SLC19A3: variants seen among roughly 807,000 people sequenced by gnomAD.
The protein encoded by SLC19A3 is thiamine transporter 2.
SLC19A3 carries 31 observed loss-of-function variants against 40.2 expected under a neutral mutation model. The observed-to-expected ratio is 0.77, with a 90% confidence interval of 0.58 to 1.04. The LOEUF (loss-of-function observed/expected upper bound fraction) is 1.04, where lower values mean the gene tolerates loss of function less well. Among genes scored for constraint, SLC19A3 ranks in the 50% least tolerant of loss-of-function variants. SLC19A3 has a pLI of 0.00. For missense variants in SLC19A3, 592 were observed against 596.7 expected, an observed-to-expected ratio of 0.99 and a Z score of 0.08; for synonymous variants, 212 against 227.5, an observed-to-expected ratio of 0.93 and a Z score of 0.61.
At chr2:227,712,867 T>C (rs1367768974) in intron 1 of SLC19A3, among the ~76,000 whole-genome samples, 1 of 151,896 alleles carries the variant, frequency 6.6e-6, no homozygotes, top group Non-Finnish European at 1.5e-5. Context: ...GCAAAACTTA[T>C]CTGTAGTGAT....
intron 4 of SLC19A3, among the ~76,000 whole-genome samples, chr2:227,688,851 T>C (rs1695118699): frequency 6.6e-6 from 1 of 152,118 alleles, no homozygotes; most frequent in Non-Finnish European, 1.5e-5. Context: ...ATAGCTGTGT[T>C]AAGAAAACGC....
At chr2:227,699,589 C>G in intron 2 of SLC19A3, 25 bp from the exon 3 acceptor site, 1 of 1,588,776 alleles carries the variant, frequency 6.3e-7, no homozygotes. Flanking sequence ...AATTGCATGA[C>G]CACGAAGCAC....
intron 4 of SLC19A3, among the ~76,000 whole-genome samples, chr2:227,691,353 T>C (rs1695220761): frequency 6.6e-6 from 1 of 152,214 alleles, no homozygotes; most frequent in Admixed American, 6.5e-5. Flanking sequence ...ATGTGTATAA[T>C]TCCAGCACTC....
chr2:227,709,105 A>G (rs1225664900), intron 1 of SLC19A3, among the ~76,000 whole-genome samples: 4 of 152,196 alleles, frequency 2.6e-5, no homozygotes, highest in Non-Finnish European at 5.9e-5. Context: ...CTAAGTGCAT[A>G]TACTTAAAAG....
intron 1 of SLC19A3, among the ~76,000 whole-genome samples, chr2:227,713,569 G>C (rs1696220988): frequency 6.6e-6 from 1 of 152,092 alleles, no homozygotes; most frequent in South Asian, 2.1e-4. Flanking sequence ...CTAAGAGAAA[G>C]CCCTGAGCTT....
In SLC19A3 at chr2:227,686,239, C is replaced by T. The variant is rs1230574241; in HGVS notation, c.*1158G>A. 1.1e-5 allele frequency: 4 copies of T among 366,330 alleles called. No individual in the cohort carries two copies. The highest frequency in any genetic ancestry group is 2.1e-5 in the African/African-American group (1 of 46,646). 22.7% of individuals were successfully genotyped at this position (366,330 alleles called of 1,614,324 possible). A position where few individuals can be genotyped will look rare whatever the true frequency, so the allele number is the denominator to read the frequency against. On this transcript the variant is annotated 3_prime_UTR_variant, in exon 6 of 6. Coordinates refer to ENST00000644224, the MANE Select transcript of SLC19A3 (RefSeq NM_025243.4). ...AATCAGGTGTTTTATTCCACTCCCC[C>T]CATCAGTGTTTTCTTATTTCTAATA...
At chr2:227,701,214 C>T (rs1158004372) in intron 2 of SLC19A3, 3 of 629,630 alleles carry the variant, frequency 4.8e-6, no homozygotes, top group Non-Finnish European at 7.2e-6. Flanking sequence ...ATCAGCCTTG[C>T]AGGCGAAGCC....
At chr2:227,715,215 A>T (rs535393701) in intron 1 of SLC19A3, among the ~76,000 whole-genome samples, 76 of 151,972 alleles carry the variant, frequency 5.0e-4, no homozygotes, top group Admixed American at 9.2e-4. Flanking sequence ...AAGTAGCCTT[A>T]TCACCCATCT....
At chr2:227,690,631 C>T (rs543129235) in intron 4 of SLC19A3, among the ~76,000 whole-genome samples, 4 of 127,188 alleles carry the variant, frequency 3.1e-5, no homozygotes, top group East Asian at 2.7e-4. Flanking sequence ...GGTGTGAACC[C>T]GGGAGGTGGA....
Position 227,687,341 on chromosome 2 carries a change from T to C in SLC19A3, c.*56A>G. On this transcript the variant is annotated 3_prime_UTR_variant, in exon 6 of 6. Coordinates refer to ENST00000644224, the MANE Select transcript of SLC19A3 (RefSeq NM_025243.4). ...AAAACATATGCCACCCATCTCAAAA[T>C]CTTTCCTTATTATTGCATAACTTTG... The C allele has an allele frequency of 6.5e-7, 1 of 1,533,534 alleles. No homozygotes were observed. The highest frequency in any genetic ancestry group is 2.3e-5 in the East Asian group (1 of 44,068). 95.0% of individuals were successfully genotyped at this position (1,533,534 alleles called of 1,614,324 possible). A position where few individuals can be genotyped will look rare whatever the true frequency, so the allele number is the denominator to read the frequency against.
At chr2:227,713,352 T>C (rs1211381510) in intron 1 of SLC19A3, among the ~76,000 whole-genome samples, 1 of 142,892 alleles carries the variant, frequency 7.0e-6, no homozygotes, top group African/African-American at 2.6e-5. Context: ...CAGTGAGCCA[T>C]GATTGCACCA....
Position 227,684,079 on chromosome 2 carries a change from A to T in SLC19A3, c.*3318T>A, listed in dbSNP as rs543448326. 6.6e-6 allele frequency: 1 copy of T among 152,136 alleles called. No individual in the cohort carries two copies. The highest frequency in any genetic ancestry group is 2.4e-5 in the African/African-American group (1 of 41,422). The allele number at this position is 152,136 out of a possible 1,614,324, so 9.4% of individuals were successfully genotyped here. On this transcript the variant is annotated 3_prime_UTR_variant, in exon 6 of 6. Coordinates refer to ENST00000644224, the MANE Select transcript of SLC19A3 (RefSeq NM_025243.4). The stretch of plus-strand genomic sequence containing the variant: ...CTCCCAAAGTGCCAGGATTACAGGC[A>T]TGAGCCACCGTGCCAGGCCTCATTT...
intron 2 of SLC19A3, chr2:227,700,859 G>T (rs1288695605): frequency 8.4e-7 from 1 of 1,190,644 alleles, no homozygotes; most frequent in Non-Finnish European, 1.1e-6. Context: ...TGGAGTTGCT[G>T]ATCTGTAGGG....
At chr2:227,706,447 G>A in intron 1 of SLC19A3, 1 of 1,229,558 alleles carries the variant, frequency 8.1e-7, no homozygotes, top group Non-Finnish European at 1.0e-6. Flanking sequence ...TTTTAAAAAG[G>A]TACAAGAACA....
At chr2:227,702,051 C>A in intron 2 of SLC19A3, 118 bp downstream of exon 2, 1 of 835,120 alleles carries the variant, frequency 1.2e-6, no homozygotes, top group Non-Finnish European at 2.0e-6. Flanking sequence ...TTATGAAAAT[C>A]AGGCTCACTG....
intron 2 of SLC19A3, among the ~76,000 whole-genome samples, chr2:227,699,856 G>T (rs1695609224): frequency 6.6e-6 from 1 of 152,088 alleles, no homozygotes; most frequent in Non-Finnish European, 1.5e-5. Flanking sequence ...GAGTTAAAAA[G>T]TTTTTGGACA....
intron 4 of SLC19A3, among the ~76,000 whole-genome samples, chr2:227,692,240 A>T (rs2106322428): frequency 6.6e-6 from 1 of 152,314 alleles, no homozygotes; most frequent in Non-Finnish European, 1.5e-5. Context: ...ACCAAACCAG[A>T]CACATTAAAA....
chr2:227,709,398 T>C (rs569029044), intron 1 of SLC19A3, among the ~76,000 whole-genome samples: 1 of 152,198 alleles, frequency 6.6e-6, no homozygotes, highest in East Asian at 1.9e-4. Flanking sequence ...GGCACGAGAA[T>C]CACTTGTACC....
At chr2:227,688,687 C>G (rs1208982946) in intron 4 of SLC19A3, among the ~76,000 whole-genome samples, 1 of 152,154 alleles carries the variant, frequency 6.6e-6, no homozygotes, top group Non-Finnish European at 1.5e-5. Flanking sequence ...ACAGCAAAGA[C>G]TACAATAAAT....
Sources: allele counts gnomAD v4.1 joint callset (sites outside exome capture counted in the v4.1 genomes callset), GRCh38; gene constraint gnomAD v4.1.1; transcripts MANE v1.5; gene names NCBI Gene and HGNC (gene_info 2026-07-23, HGNC 2026-07-21).